BBS9: variants seen among roughly 807,000 people sequenced by gnomAD.
BBS9 encodes the protein protein PTHB1.
Under a neutral mutation model 117.7 loss-of-function variants are expected in BBS9, and 89 were observed. The ratio of observed to expected loss-of-function variants is 0.76; its 90% CI spans 0.64 to 0.90. The LOEUF is 0.90. Among genes scored for constraint, BBS9 ranks in the 40% least tolerant of loss-of-function variants. The probability of loss-of-function intolerance (pLI) is 0.00; values close to 1 mark genes in which losing one functional copy is unlikely to be tolerated. For missense variants in BBS9, 982 were observed against 1,042.2 expected (o/e 0.94, Z 0.80); for synonymous variants, 379 against 370.9 (o/e 1.02, Z -0.25).
rs184815884 is a variant in BBS9, at chr7:33,274,321, C to G, written c.1016+365C>G. Reference sequence around the variant, plus strand: ...TTATTGATAGACTGTGACGATATTACACTGTTCATTATAATAAGTTCTCAC... The same window carrying G: ...TTATTGATAGACTGTGACGATATTAGACTGTTCATTATAATAAGTTCTCAC... On this transcript the variant is annotated intron_variant, in intron 9 of 22. Transcript: ENST00000242067. Among the ~76,000 whole-genome samples, 45 of 152,274 alleles carry G rather than the reference C, an allele frequency of 3.0e-4. No homozygotes were observed. The East Asian group carries it at 6.0e-3, about 20-fold the overall frequency.
intron 19 of BBS9, among the ~76,000 whole-genome samples, chr7:33,460,010 A>G (rs937476651): frequency 2.6e-5 from 4 of 152,138 alleles, no homozygotes; most frequent in Non-Finnish European, 5.9e-5. Context: ...TTTATAATAT[A>G]CTGATGGTGT....
At position 33,559,503 on chromosome 7, in the gene BBS9, G is replaced by A. The variant is rs79988558; in HGVS notation, c.2521+25327G>A. Among the ~76,000 whole-genome samples, 260 of 152,192 alleles carry A rather than the reference G, an allele frequency of 1.7e-3. 2 individuals carry two copies. The highest frequency in any genetic ancestry group is 6.1e-3 in the African/African-American group (255 of 41,518). Reference sequence around the variant, plus strand: ...GATGAGCCAGGAGGCTTGACTGGCCGAAGCTTCAGATAGCAGCCTTACCCG... The same window carrying A: ...GATGAGCCAGGAGGCTTGACTGGCCAAAGCTTCAGATAGCAGCCTTACCCG... On this transcript the variant is annotated intron_variant, in intron 21 of 22. Transcript: ENST00000242067.
chr7:33,273,497 G>A (rs928822571), intron 8 of BBS9, among the ~76,000 whole-genome samples: 1 of 152,060 alleles, frequency 6.6e-6, no homozygotes, highest in African/African-American at 2.4e-5. Flanking sequence ...TCTTTTATAA[G>A]CACAATAGTA....
intron 21 of BBS9, among the ~76,000 whole-genome samples, chr7:33,581,373 T>G (rs1309947674): frequency 6.6e-6 from 1 of 152,146 alleles, no homozygotes; most frequent in East Asian, 1.9e-4. Flanking sequence ...AAGCCCATAT[T>G]CTTGTACATA....
At chr7:33,586,186 A>G (rs1398379593) in intron 21 of BBS9, among the ~76,000 whole-genome samples, 1 of 152,100 alleles carries the variant, frequency 6.6e-6, no homozygotes, top group Non-Finnish European at 1.5e-5. Context: ...AACTTAAACA[A>G]ATAAACAAGT....
chr7:33,362,090 A>C, intron 16 of BBS9, among the ~76,000 whole-genome samples: 1 of 152,162 alleles, frequency 6.6e-6, no homozygotes, highest in African/African-American at 2.4e-5. Flanking sequence ...TTCTGTTACT[A>C]GAGATTAATT....
chr7:33,564,049 A>AT (rs34409520), intron 21 of BBS9, among the ~76,000 whole-genome samples: 79,853 of 151,988 alleles, frequency 0.53, 23,226 homozygotes, highest in African/African-American at 0.78. Context: ...CTTTAAAAAA[A>AT]ATTTCATTAT....
chr7:33,219,358 G>A (rs926817667), intron 5 of BBS9, among the ~76,000 whole-genome samples: 4 of 152,198 alleles, frequency 2.6e-5, no homozygotes, highest in African/African-American at 7.2e-5. Flanking sequence ...TGGGGAGTGC[G>A]GGCACAGGGC....
At chr7:33,144,427 C>A (rs549827447) in intron 1 of BBS9, among the ~76,000 whole-genome samples, 3 of 152,152 alleles carry the variant, frequency 2.0e-5, no homozygotes, top group East Asian at 1.9e-4. Flanking sequence ...TCAGTGCTTG[C>A]GATGCTTTTG....
chr7:33,228,637 CTA>C (rs1275281009), intron 5 of BBS9, among the ~76,000 whole-genome samples: 2 of 151,956 alleles, frequency 1.3e-5, no homozygotes, highest in East Asian at 3.9e-4. Context: ...CACATATTTT[CTA>C]TGTTATTTGT....
At chr7:33,400,743 T>G (rs1828774013) in intron 19 of BBS9, among the ~76,000 whole-genome samples, 1 of 152,208 alleles carries the variant, frequency 6.6e-6, no homozygotes, top group South Asian at 2.1e-4. Context: ...CACAGAGAGC[T>G]AATAGTGCTC....
At chr7:33,491,584 C>T (rs1181217969) in intron 19 of BBS9, among the ~76,000 whole-genome samples, 1 of 152,066 alleles carries the variant, frequency 6.6e-6, no homozygotes, top group Non-Finnish European at 1.5e-5. Flanking sequence ...GTGTGTTAGG[C>T]CCTATGCTCT....
chr7:33,155,533 T>C (rs1793963655), intron 3 of BBS9, 105 bp from the exon 4 acceptor site: 1 of 715,914 alleles, frequency 1.4e-6, no homozygotes, highest in African/African-American at 1.8e-5. Flanking sequence ...TTTTGTTTAC[T>C]CACAGTGGCT....
At chr7:33,572,373 GC>G (rs1857949663) in intron 21 of BBS9, among the ~76,000 whole-genome samples, 1 of 151,972 alleles carries the variant, frequency 6.6e-6, no homozygotes, top group Admixed American at 6.6e-5. Context: ...TACATATCTT[GC>G]CTAGTGTGAA....
chr7:33,177,566 C>T lies in BBS9; in HGVS notation c.417C>T (p.Thr139=). The T allele has an allele frequency of 6.2e-7, 1 of 1,612,462 alleles. No individual in the cohort carries two copies. Among genetic ancestry groups the T allele is most frequent in the East Asian group, 2.2e-5 (1 of 44,794 alleles). The change falls in exon 5 of 23, where the codon ACC becomes ACT. Residue 139 remains threonine, a synonymous_variant. Coordinates refer to ENST00000242067, the MANE Select transcript of BBS9 (RefSeq NM_198428.3). ...TTCAGAGAACAGCCTGCAATATGAC[C>T]TATGGATCATTTGGTGGTGTAAAAG... ...HNLQRTACNM[T]YGSFGGVKGR...
At chr7:33,500,731 A>G (rs1055199271) in intron 19 of BBS9, among the ~76,000 whole-genome samples, 1 of 152,226 alleles carries the variant, frequency 6.6e-6, no homozygotes, top group African/African-American at 2.4e-5. Flanking sequence ...GTGTTCACAT[A>G]GTATGATGAT....
At chr7:33,527,666 G>C (rs1367596936) in intron 20 of BBS9, among the ~76,000 whole-genome samples, 1 of 152,202 alleles carries the variant, frequency 6.6e-6, no homozygotes, top group Non-Finnish European at 1.5e-5. Context: ...CTAGTGAGAT[G>C]AACCAGGTAC....
At chr7:33,404,303 C>T (rs1052341364) in intron 19 of BBS9, among the ~76,000 whole-genome samples, 16 of 152,064 alleles carry the variant, frequency 1.1e-4, no homozygotes, top group African/African-American at 3.9e-4. Context: ...GTTCTTTTGG[C>T]TTAGGATTGA....
chr7:33,267,930 A>G (rs1470005911), intron 7 of BBS9, among the ~76,000 whole-genome samples: 2 of 151,978 alleles, frequency 1.3e-5, no homozygotes, highest in East Asian at 1.9e-4. Flanking sequence ...TTATGTATAT[A>G]CTGTTCTTGA....
Sources: gnomAD v4.1 joint callset for allele counts (sites outside exome capture counted in the v4.1 genomes callset) on GRCh38, gnomAD v4.1.1 for gene constraint, MANE v1.5 for transcripts, NCBI Gene and HGNC (gene_info 2026-07-23, HGNC 2026-07-21) for gene names.